ERCC6L2: variants seen among roughly 807,000 people sequenced by gnomAD.
ERCC6L2 encodes ERCC excision repair 6 like 2.
In ERCC6L2, 77 loss-of-function variants were observed where a neutral mutation model predicts 132.0. That is an observed-to-expected ratio of 0.58 (90% CI 0.49 to 0.71). The LOEUF (loss-of-function observed/expected upper bound fraction) is 0.71, where lower values mean the gene tolerates loss of function less well. Among genes scored for constraint, ERCC6L2 ranks in the 30% least tolerant of loss-of-function variants. The pLI is 0.00. For synonymous variants in ERCC6L2, 583 were observed against 632.4 expected (o/e 0.92, Z 1.17); for missense variants, 1,542 against 1,837.6 (o/e 0.84, Z 2.94).
At chr9:96,008,951 C>G (rs777108118) in intron 18 of ERCC6L2, among the ~76,000 whole-genome samples, 8 of 152,240 alleles carry the variant, frequency 5.3e-5, no homozygotes, top group Non-Finnish European at 1.0e-4. Context: ...GCAGCCTTCA[C>G]AGCCTTGCAC....
Position 96,015,467 on chromosome 9 carries a change from T to C in ERCC6L2, c.*2264T>C, listed in dbSNP as rs1254105985. Reference sequence around the variant, plus strand: ...CCTCCCAAAGTGCTGGGATTACAGGTGTGAGCCACCATGCCCAGCCAATAA... The same window carrying C: ...CCTCCCAAAGTGCTGGGATTACAGGCGTGAGCCACCATGCCCAGCCAATAA... On this transcript the variant is annotated 3_prime_UTR_variant, in exon 19 of 19. Transcript: ENST00000653738. Among the ~76,000 whole-genome samples, 1 of 151,130 alleles carries C rather than the reference T, an allele frequency of 6.6e-6. No homozygotes were observed. The highest frequency in any genetic ancestry group is 2.4e-5 in the African/African-American group (1 of 41,186).
In ERCC6L2 at chr9:96,018,347, T is replaced by C. The variant is rs984677324; in HGVS notation, c.*5144T>C. ...GATGTATGTGAGATTGCTGACTATA[T>C]TTTACTTATCAATTTGAAATTATAT... is the stretch of plus-strand genomic sequence containing the variant. On this transcript the variant is annotated 3_prime_UTR_variant, in exon 19 of 19. Transcript: ENST00000653738. Among the ~76,000 whole-genome samples the C allele has an allele frequency of 3.3e-5, 5 of 152,212 alleles. No individual in the cohort carries two copies. Among genetic ancestry groups the C allele is most frequent in the African/African-American group, 1.2e-4 (5 of 41,464 alleles).
intron 13 of ERCC6L2, among the ~76,000 whole-genome samples, chr9:95,962,610 A>T (rs1178063577): frequency 1.3e-5 from 2 of 152,176 alleles, no homozygotes; most frequent in African/African-American, 4.8e-5. Context: ...ATACAGAACA[A>T]TATCTACAGT....
At chr9:96,001,357 C>G (rs1322581137) in intron 17 of ERCC6L2, among the ~76,000 whole-genome samples, 3 of 152,130 alleles carry the variant, frequency 2.0e-5, no homozygotes, top group South Asian at 2.1e-4. Context: ...CCTGTTTTGT[C>G]AGGGCGCTGA....
At chr9:95,910,454 T>A (rs947342726) in intron 4 of ERCC6L2, among the ~76,000 whole-genome samples, 4 of 152,338 alleles carry the variant, frequency 2.6e-5, no homozygotes, top group Admixed American at 2.6e-4. Flanking sequence ...ATCCCATATT[T>A]TGTCCATTCA....
At chr9:95,928,498 T>C (rs190686150) in intron 10 of ERCC6L2, among the ~76,000 whole-genome samples, 9 of 152,334 alleles carry the variant, frequency 5.9e-5, no homozygotes, top group Admixed American at 5.2e-4. Flanking sequence ...AATGAAAAGA[T>C]TGATTTTTAA....
At chr9:95,896,873 T>A (rs1828493106) in intron 2 of ERCC6L2, among the ~76,000 whole-genome samples, 1 of 152,194 alleles carries the variant, frequency 6.6e-6, no homozygotes, top group African/African-American at 2.4e-5. Flanking sequence ...TGGAAGAAGA[T>A]CTTGAATCTG....
intron 2 of ERCC6L2, among the ~76,000 whole-genome samples, chr9:95,894,618 G>A (rs1828352567): frequency 7.9e-6 from 1 of 126,170 alleles, no homozygotes; most frequent in African/African-American, 3.2e-5. Context: ...TTTTGAGACG[G>A]AGTTTCACTC....
chr9:95,904,677 TTA>T lies in ERCC6L2; in HGVS notation c.595-2399_595-2398del, dbSNP rs145850563. ...GCACACAGTAAGTGCTCAATAATTG[TTA>T]TGTTATTATTAATACTATTACTACT... On this transcript the variant is annotated intron_variant, in intron 3 of 18. Coordinates refer to ENST00000653738, the MANE Select transcript of ERCC6L2 (RefSeq NM_020207.7). 8.1e-3 allele frequency among the ~76,000 whole-genome samples: 1,239 copies of T among 152,268 alleles called. 21 individuals are homozygous for T. The highest frequency in any genetic ancestry group is 0.028 in the African/African-American group (1,161 of 41,560).
At chr9:95,983,672 C>G (rs558500727) in intron 17 of ERCC6L2, among the ~76,000 whole-genome samples, 6 of 152,256 alleles carry the variant, frequency 3.9e-5, no homozygotes, top group Non-Finnish European at 5.9e-5. Context: ...ATCTGAAAAT[C>G]CTGCCTCTGT....
chr9:95,879,760 A>G (rs1827490907), intron 1 of ERCC6L2, among the ~76,000 whole-genome samples: 1 of 152,202 alleles, frequency 6.6e-6, no homozygotes, highest in Non-Finnish European at 1.5e-5. Context: ...CTTGCTTTAG[A>G]TAGTATAAAC....
intron 17 of ERCC6L2, among the ~76,000 whole-genome samples, chr9:95,995,105 G>C (rs1346736542): frequency 1.3e-5 from 2 of 152,130 alleles, no homozygotes; most frequent in African/African-American, 2.4e-5. Context: ...TGTGAGGTAG[G>C]GGGGAATCTT....
Position 96,016,618 on chromosome 9 carries a change from T to C in ERCC6L2, c.*3415T>C, listed in dbSNP as rs1282018351. 6.6e-6 allele frequency among the ~76,000 whole-genome samples: 1 copy of C among 152,222 alleles called. No homozygotes were observed. The highest frequency in any genetic ancestry group is 2.4e-5 in the African/African-American group (1 of 41,464). ...AAGAAGCCTTAGTTTGCAGAGATGA[T>C]GATAAACTTTTCATCCTTCCACAGA... On this transcript the variant is annotated 3_prime_UTR_variant, in exon 19 of 19. Coordinates refer to ENST00000653738, the MANE Select transcript of ERCC6L2 (RefSeq NM_020207.7).
intron 2 of ERCC6L2, 116 bp downstream of exon 2, chr9:95,881,409 G>C: frequency 1.3e-6 from 1 of 758,072 alleles, no homozygotes; most frequent in Non-Finnish European, 1.9e-6. Context: ...TCCTGTGTAT[G>C]TTTGTGTTTG....
intron 13 of ERCC6L2, among the ~76,000 whole-genome samples, chr9:95,960,475 G>C (rs1362659685): frequency 1.3e-5 from 2 of 152,152 alleles, no homozygotes; most frequent in Non-Finnish European, 2.9e-5. Context: ...TTATCCACAA[G>C]TGTCCTTATA....
chr9:95,883,288 G>C (rs1366906386), intron 2 of ERCC6L2, among the ~76,000 whole-genome samples: 1 of 152,166 alleles, frequency 6.6e-6, no homozygotes, highest in African/African-American at 2.4e-5. Context: ...ATTTGAGACT[G>C]ATCCTTGGCT....
Position 96,015,243 on chromosome 9 carries a change from G to A in ERCC6L2, c.*2040G>A, listed in dbSNP as rs1359364241. ...CACTCTGTCGCCAGGCTGGAGTGCA[G>A]TGGCTCGATCTTGGCTCACTGCAGC... On this transcript the variant is annotated 3_prime_UTR_variant, in exon 19 of 19. Coordinates refer to ENST00000653738, the MANE Select transcript of ERCC6L2 (RefSeq NM_020207.7). Among the ~76,000 whole-genome samples, 1 of 150,488 alleles carries A rather than the reference G, an allele frequency of 6.6e-6. No homozygotes were observed. The highest frequency in any genetic ancestry group is 2.4e-5 in the African/African-American group (1 of 40,916).
chr9:95,991,504 T>C (rs571774840), intron 17 of ERCC6L2, among the ~76,000 whole-genome samples: 19 of 152,312 alleles, frequency 1.2e-4, no homozygotes, highest in Non-Finnish European at 2.6e-4. Flanking sequence ...AAAGAATGAC[T>C]GATAGACAGA....
intron 11 of ERCC6L2, among the ~76,000 whole-genome samples, chr9:95,937,550 C>T (rs548357412): frequency 2.6e-5 from 4 of 151,938 alleles, no homozygotes; most frequent in African/African-American, 9.6e-5. Flanking sequence ...TTCAGGTTGT[C>T]TGTTTCATTT....
Sources: allele counts gnomAD v4.1 joint callset (sites outside exome capture counted in the v4.1 genomes callset), GRCh38; gene constraint gnomAD v4.1.1; transcripts MANE v1.5; gene names NCBI Gene and HGNC (gene_info 2026-07-23, HGNC 2026-07-21).